Variants in PCDH11X observed in about 807,000 individuals in gnomAD.
The protein encoded by PCDH11X is protocadherin 11 X-linked.
In PCDH11X, 18 loss-of-function variants were observed where a neutral mutation model predicts 53.3. That is an observed-to-expected ratio of 0.34 (90% CI 0.23 to 0.50). The LOEUF (loss-of-function observed/expected upper bound fraction) is 0.50. PCDH11X is among the 20% of genes least tolerant of loss of function. The pLI, the probability that PCDH11X is intolerant of heterozygous loss-of-function variation, is 0.98. For synonymous variants in PCDH11X, 279 were observed against 393.3 expected (o/e 0.71, Z 3.44); for missense variants, 570 against 1,032.4 (o/e 0.55, Z 6.14).
At chrX:92,362,329 A>C (rs2148540983) in intron 8 of PCDH11X, among the ~76,000 whole-genome samples, 1 of 81,962 alleles carries the variant, frequency 1.2e-5, no homozygotes, top group South Asian at 8.1e-4. Context: ...AGCCATTCTA[A>C]TGGGTGTGAA....
chrX:92,414,790 C>A (rs1379952078), intron 9 of PCDH11X, among the ~76,000 whole-genome samples: 2 of 111,508 alleles, frequency 1.8e-5, no homozygotes, highest in Admixed American at 9.6e-5. Flanking sequence ...AACCAAGAGT[C>A]ACATGGCTGC....
chrX:92,276,599 C>G (rs1396086391), intron 8 of PCDH11X, among the ~76,000 whole-genome samples: 1 of 110,927 alleles, frequency 9.0e-6, no homozygotes, highest in Non-Finnish European at 1.9e-5. Flanking sequence ...TTCTTGTGTG[C>G]TGGAGATGTG....
At chrX:91,973,653 C>T (rs2062005287) in intron 6 of PCDH11X, among the ~76,000 whole-genome samples, 1 of 94,903 alleles carries the variant, frequency 1.1e-5, no homozygotes, top group Non-Finnish European at 2.1e-5. Context: ...CTCACTCTGT[C>T]GCCCAGGCTG....
At chrX:92,461,174 C>T (rs1162841497) in intron 9 of PCDH11X, among the ~76,000 whole-genome samples, 3 of 109,639 alleles carry the variant, frequency 2.7e-5, no homozygotes, top group Non-Finnish European at 5.7e-5. Flanking sequence ...ATCAAAACAC[C>T]GATGACATTC....
rs373726585 is a variant in PCDH11X at position 91,856,729 on chromosome X, G to A, written c.541-20052G>A. On this transcript the variant is annotated intron_variant, in intron 5 of 10. Transcript: ENST00000682573. The stretch of plus-strand genomic sequence containing the variant: ...TGATTTTCTGTTCCTGTGTTAGTTT[G>A]CGGAGGATAATGGCTTCCATCTCCA... Among the ~76,000 whole-genome samples the A allele has an allele frequency of 4.5e-5, 5 of 110,282 alleles. No homozygotes were observed. In the South Asian group the frequency reaches 1.6e-3, roughly 35 times the overall value.
chrX:92,480,342 A>G (rs1201009616), intron 10 of PCDH11X, among the ~76,000 whole-genome samples: 1 of 111,049 alleles, frequency 9.0e-6, no homozygotes, highest in African/African-American at 3.3e-5. Context: ...TTCTGAATTC[A>G]ATTTCTGTCA....
chrX:91,895,646 G>C lies in PCDH11X; in HGVS notation c.3033+16373G>C, dbSNP rs1039543639. Among the ~76,000 whole-genome samples, 8 of 108,646 alleles carry C rather than the reference G, an allele frequency of 7.4e-5. No homozygotes were observed. In the Admixed American group the frequency reaches 8.1e-4, roughly 11 times the overall value. The allele number at this position is 108,646 out of a possible 115,157, so 94.3% of individuals were successfully genotyped here. A position where few individuals can be genotyped will look rare whatever the true frequency, so the allele number is the denominator to read the frequency against. ...AAATAATTTTATATATTCTACATGA[G>C]GTTTCCCCTTGCCCAAAGAAACCTA... On this transcript the variant is annotated intron_variant, in intron 6 of 10. Coordinates refer to ENST00000682573, the MANE Select transcript of PCDH11X (RefSeq NM_032968.5).
chrX:92,499,996 C>G (rs761470138), intron 10 of PCDH11X, among the ~76,000 whole-genome samples: 1 of 110,234 alleles, frequency 9.1e-6, no homozygotes, highest in African/African-American at 3.3e-5. Flanking sequence ...TTTTTCAATT[C>G]CAAATCCAGC....
At chrX:91,858,318 A>C (rs1340407415) in intron 5 of PCDH11X, among the ~76,000 whole-genome samples, 1 of 111,308 alleles carries the variant, frequency 9.0e-6, no homozygotes, top group Non-Finnish European at 1.9e-5. Context: ...CTTGTGATGG[A>C]TGGGAGAGGC....
At chrX:92,123,617 ACT>A (rs2064810432) in intron 6 of PCDH11X, among the ~76,000 whole-genome samples, 2 of 101,527 alleles carry the variant, frequency 2.0e-5, no homozygotes, top group African/African-American at 7.3e-5. Flanking sequence ...CCCTCACCAG[ACT>A]CTATTTATTC....
At position 92,434,676 on chromosome X, in the gene PCDH11X, A is replaced by AT. The variant is rs35680450; in HGVS notation, c.3344-33613dup. Among the ~76,000 whole-genome samples the AT allele has an allele frequency of 1.7e-3, 172 of 101,882 alleles. 1 individual carries two copies. The highest frequency in any genetic ancestry group is 2.3e-3 in the Non-Finnish European group (118 of 51,102). 88.5% of individuals were successfully genotyped at this position (101,882 alleles called of 115,157 possible). On this transcript the variant is annotated intron_variant, in intron 9 of 10. Coordinates refer to ENST00000682573, the MANE Select transcript of PCDH11X (RefSeq NM_032968.5). ...TCTGCCACAGCCTCTCAAGTAGCTA[A>AT]TTTTTTTTTTATCATTATTATTCTT...
At chrX:92,238,177 G>A (rs2067203993) in intron 7 of PCDH11X, among the ~76,000 whole-genome samples, 1 of 111,740 alleles carries the variant, frequency 8.9e-6, no homozygotes, top group African/African-American at 3.2e-5. Flanking sequence ...ACTTTAAAAT[G>A]CATCTTGTGA....
intron 10 of PCDH11X, among the ~76,000 whole-genome samples, chrX:92,568,903 C>T (rs914853911): frequency 1.8e-5 from 2 of 111,228 alleles, no homozygotes; most frequent in Admixed American, 9.6e-5. Flanking sequence ...GTAAAATTTA[C>T]GTAGTTGTTT....
At chrX:92,191,754 A>G (rs1351713450) in intron 6 of PCDH11X, among the ~76,000 whole-genome samples, 1 of 112,209 alleles carries the variant, frequency 8.9e-6, no homozygotes, top group African/African-American at 3.2e-5. Flanking sequence ...GTATCTCCAT[A>G]GAATACTTTT....
chrX:92,123,787 T>G (rs1253140712), intron 6 of PCDH11X, among the ~76,000 whole-genome samples: 6 of 106,630 alleles, frequency 5.6e-5, no homozygotes, highest in Non-Finnish European at 1.9e-5. Flanking sequence ...CTTCTCAGAA[T>G]AGATAGAATG....
chrX:92,612,027 T>C (rs2148817352), intron 10 of PCDH11X, among the ~76,000 whole-genome samples: 1 of 107,967 alleles, frequency 9.3e-6, no homozygotes, highest in Admixed American at 1.0e-4. Flanking sequence ...TCTTTGTTAA[T>C]CAGAGATATT....
At chrX:92,264,492 G>T (rs1460361577) in intron 8 of PCDH11X, among the ~76,000 whole-genome samples, 1 of 111,197 alleles carries the variant, frequency 9.0e-6, no homozygotes, top group Non-Finnish European at 1.9e-5. Flanking sequence ...GTGTGTGTGT[G>T]TATAAAACAT....
intron 6 of PCDH11X, among the ~76,000 whole-genome samples, chrX:91,881,562 T>A (rs1461499379): frequency 8.9e-6 from 1 of 111,746 alleles, no homozygotes; most frequent in African/African-American, 3.2e-5. Context: ...ATACTAAAAA[T>A]AATTTGAATC....
intron 6 of PCDH11X, among the ~76,000 whole-genome samples, chrX:92,102,392 A>G (rs986677560): frequency 3.6e-5 from 4 of 111,593 alleles, no homozygotes; most frequent in Non-Finnish European, 5.6e-5. Context: ...GAAAGGCTAC[A>G]GGGTTCAGTC....
Sources: gnomAD v4.1 joint callset for allele counts (sites outside exome capture counted in the v4.1 genomes callset) on GRCh38, gnomAD v4.1.1 for gene constraint, MANE v1.5 for transcripts, NCBI Gene and HGNC (gene_info 2026-07-23, HGNC 2026-07-21) for gene names.